The following HEATR5B variants were observed in gnomAD, a reference collection of about 807,000 sequenced individuals.
HEATR5B encodes HEAT repeat containing 5B, also known as HEAT repeat-containing protein 5B.
Under a neutral mutation model 224.1 loss-of-function variants are expected in HEATR5B, and 156 were observed. That is an observed-to-expected ratio of 0.70 (90% confidence interval 0.61 to 0.80). HEATR5B has a LOEUF of 0.80. HEATR5B is among the 30% of genes least tolerant of loss of function. The pLI, the probability that HEATR5B is intolerant of heterozygous loss-of-function variation, is 0.00. For missense variants in HEATR5B, 2,323 were observed against 2,535.5 expected (o/e 0.92, Z 1.80); for synonymous variants, 1,027 against 893.0 (o/e 1.15, Z -2.68).
intron 29 of HEATR5B, 98 bp downstream of exon 29, chr2:37,006,952 C>A (rs1667462407): frequency 2.8e-6 from 3 of 1,076,906 alleles, no homozygotes; most frequent in Admixed American, 4.9e-5. Flanking sequence ...CTTCTCTGAA[C>A]TGTGCTATAC....
intron 21 of HEATR5B, among the ~76,000 whole-genome samples, chr2:37,034,600 G>A (rs1413208404): frequency 1.4e-4 from 15 of 109,548 alleles, no homozygotes; most frequent in East Asian, 5.9e-4. Flanking sequence ...GCGACACAGC[G>A]AGACTCTGTC....
At chr2:37,069,089 T>G (rs1177905730) in intron 7 of HEATR5B, among the ~76,000 whole-genome samples, 159 bp from the exon 8 acceptor site, 1 of 152,260 alleles carries the variant, frequency 6.6e-6, no homozygotes, top group African/African-American at 2.4e-5. Flanking sequence ...TTACTACTTC[T>G]GGAATACGAA....
chr2:37,017,872 A>G (rs1342860593), intron 26 of HEATR5B, among the ~76,000 whole-genome samples: 1 of 152,118 alleles, frequency 6.6e-6, no homozygotes, highest in African/African-American at 2.4e-5. Context: ...CTGAAATAAA[A>G]TATTTAAGTA....
At chr2:37,034,465 T>C (rs1488070040) in intron 21 of HEATR5B, among the ~76,000 whole-genome samples, 2 of 143,214 alleles carry the variant, frequency 1.4e-5, no homozygotes, top group Non-Finnish European at 3.1e-5. Flanking sequence ...TACAAAAAAT[T>C]AGCCGGGCGT....
intron 12 of HEATR5B, 56 bp downstream of exon 12, chr2:37,060,525 T>C: frequency 7.1e-7 from 1 of 1,404,598 alleles, no homozygotes; most frequent in Non-Finnish European, 9.5e-7. Flanking sequence ...TCTTTTACTT[T>C]ACAAATATTT....
chr2:37,059,438 G>A (rs1357616460), intron 12 of HEATR5B, among the ~76,000 whole-genome samples: 941 of 82,478 alleles, frequency 0.011, 21 homozygotes, highest in African/African-American at 0.042. Context: ...GTGTGTGTGT[G>A]TGTGTGTGTA....
At chr2:37,038,794 G>T (rs2148492566) in intron 20 of HEATR5B, among the ~76,000 whole-genome samples, 1 of 148,254 alleles carries the variant, frequency 6.7e-6, no homozygotes, top group Admixed American at 6.7e-5. Context: ...GAAAATACAA[G>T]TTAGCTGAGG....
At chr2:36,988,577 TC>T in intron 35 of HEATR5B, 68 bp downstream of exon 35, 1 of 1,355,768 alleles carries the variant, frequency 7.4e-7, no homozygotes, top group Non-Finnish European at 1.0e-6. Flanking sequence ...GTTTCTAATA[TC>T]AAATAAGATT....
intron 22 of HEATR5B, among the ~76,000 whole-genome samples, chr2:37,030,019 T>A (rs1019994783): frequency 1.3e-5 from 2 of 151,968 alleles, no homozygotes; most frequent in Non-Finnish European, 2.9e-5. Flanking sequence ...AAAGCAATGT[T>A]GTCATGAAAT....
chr2:37,038,055 T>C (rs762190034), intron 20 of HEATR5B, 31 bp from the exon 21 acceptor site: 3 of 1,362,180 alleles, frequency 2.2e-6, no homozygotes, highest in Non-Finnish European at 2.9e-6. Context: ...ATATAAAATA[T>C]AATTATTTTA....
chr2:36,990,944 C>G (rs1666285916), intron 33 of HEATR5B, 145 bp from the exon 34 acceptor site: 2 of 594,376 alleles, frequency 3.4e-6, no homozygotes, highest in Non-Finnish European at 5.5e-6. Flanking sequence ...CCTGCCTTGG[C>G]CTCCCAAAGT....
At chr2:37,064,272 A>C (rs1671453910) in intron 10 of HEATR5B, among the ~76,000 whole-genome samples, 1 of 149,228 alleles carries the variant, frequency 6.7e-6, no homozygotes, top group Non-Finnish European at 1.5e-5. Flanking sequence ...ACTATATCTA[A>C]GGTTGGGTTT....
chr2:37,074,473 G>A (rs1672108496), intron 5 of HEATR5B, among the ~76,000 whole-genome samples: 1 of 151,466 alleles, frequency 6.6e-6, no homozygotes, highest in Non-Finnish European at 1.5e-5. Flanking sequence ...ACTTCTAGAA[G>A]GAAACACAGG....
intron 33 of HEATR5B, 100 bp downstream of exon 33, chr2:37,000,482 GATTC>G (rs1667017280): frequency 1.2e-6 from 1 of 814,352 alleles, no homozygotes; most frequent in South Asian, 1.6e-5. Flanking sequence ...TCTCTGAGAT[GATTC>G]ATTGTTATAC....
chr2:36,985,463 T>TG (rs1474238243), intron 35 of HEATR5B, among the ~76,000 whole-genome samples: 3 of 147,276 alleles, frequency 2.0e-5, no homozygotes, highest in South Asian at 2.1e-4. Context: ...TTTTGGTTTT[T>TG]TTTTTTTTTT....
Position 37,070,326 on chromosome 2 carries a change from T to A in HEATR5B, c.831A>T (p.Gly277=). 6.2e-7 allele frequency: 1 copy of A among 1,614,002 alleles called. No homozygotes were observed. Among genetic ancestry groups the A allele is most frequent in the East Asian group, 2.2e-5 (1 of 44,882 alleles). ...FDEVLELMAT[G]FLRGGSGFLK... ...AGAAACCTGACCCTCCACGCAGAAA[T>A]CCTGTGGCCATGAGTTCTAAGACTT... Residue 277 remains glycine, a synonymous_variant, in exon 7 of 36, where the codon GGA becomes GGT. Coordinates refer to ENST00000233099, the MANE Select transcript of HEATR5B (RefSeq NM_019024.3).
chr2:36,996,064 CTTT>C (rs371199948), intron 33 of HEATR5B, among the ~76,000 whole-genome samples: 3 of 137,384 alleles, frequency 2.2e-5, no homozygotes, highest in Non-Finnish European at 3.1e-5. Flanking sequence ...TAATGCAATT[CTTT>C]TTTTTTTTTT....
chr2:37,031,049 G>C (rs1425519515), intron 22 of HEATR5B, among the ~76,000 whole-genome samples: 1 of 152,154 alleles, frequency 6.6e-6, no homozygotes, highest in East Asian at 1.9e-4. Flanking sequence ...AAAAACATTG[G>C]GCATTAAGTC....
chr2:37,025,457 C>T (rs1668710833), intron 24 of HEATR5B, among the ~76,000 whole-genome samples: 1 of 148,668 alleles, frequency 6.7e-6, no homozygotes, highest in African/African-American at 2.5e-5. Context: ...TCTATAAAAA[C>T]CAGAATTAAA....
Sources: gnomAD v4.1 joint callset for allele counts (sites outside exome capture counted in the v4.1 genomes callset) on GRCh38, gnomAD v4.1.1 for gene constraint, MANE v1.5 for transcripts, NCBI Gene and HGNC (gene_info 2026-07-23, HGNC 2026-07-21) for gene names.